The following CELF4 variants were observed in gnomAD, a reference collection of about 807,000 sequenced individuals.
The protein encoded by CELF4 is CUGBP Elav-like family member 4.
CELF4 carries 18 observed loss-of-function variants against 59.9 expected under a neutral mutation model. The observed-to-expected ratio is 0.30, with a 90% CI of 0.21 to 0.45. The LOEUF (loss-of-function observed/expected upper bound fraction) is 0.45. CELF4 is among the 20% of genes least tolerant of loss of function. The pLI is 1.00. For synonymous variants in CELF4, 261 were observed against 267.1 expected (o/e 0.98, Z 0.22); for missense variants, 456 against 689.0 (o/e 0.66, Z 3.79).
At chr18:37,423,674 C>T (rs886164678) in intron 2 of CELF4, among the ~76,000 whole-genome samples, 17 of 152,068 alleles carry the variant, frequency 1.1e-4, no homozygotes, top group African/African-American at 4.1e-4. Flanking sequence ...ACAGCCATGG[C>T]CTTGGTCTCC....
intron 2 of CELF4, among the ~76,000 whole-genome samples, chr18:37,385,354 C>CAA (rs34504926): frequency 0.36 from 35,740 of 100,000 alleles, 6,301 homozygotes; most frequent in Non-Finnish European, 0.42. Context: ...GACTCCATCT[C>CAA]AAAAAAAAAA....
chr18:37,452,873 G>A (rs2099767905), intron 2 of CELF4, among the ~76,000 whole-genome samples: 1 of 152,124 alleles, frequency 6.6e-6, no homozygotes, highest in African/African-American at 2.4e-5. Flanking sequence ...CCTGAGCCAA[G>A]TACCCACTGC....
In CELF4 at chr18:37,390,840, G is replaced by A. The variant is rs957081829; in HGVS notation, c.370-68959C>T. Among the ~76,000 whole-genome samples, 2 of 150,872 alleles carry A rather than the reference G, an allele frequency of 1.3e-5. 1 individual carries two copies. The highest frequency in any genetic ancestry group is 4.2e-4 in the South Asian group (2 of 4,740). On this transcript the variant is annotated intron_variant, in intron 2 of 12. Coordinates refer to ENST00000420428, the MANE Select transcript of CELF4 (RefSeq NM_020180.4). Reference sequence around the variant, plus strand: ...CAGTGCTGCTGGCCGGCACAGCAGTGGCAGCACTGCTATTAGTCATCGTGA... The same window carrying A: ...CAGTGCTGCTGGCCGGCACAGCAGTAGCAGCACTGCTATTAGTCATCGTGA...
intron 1 of CELF4, among the ~76,000 whole-genome samples, chr18:37,490,179 C>T (rs1054235527): frequency 3.9e-5 from 6 of 152,058 alleles, no homozygotes; most frequent in African/African-American, 1.4e-4. Context: ...ACAATGGAGA[C>T]ACAATCAACT....
chr18:37,327,709 C>T (rs374503168), intron 2 of CELF4, among the ~76,000 whole-genome samples: 16 of 152,300 alleles, frequency 1.1e-4, no homozygotes, highest in African/African-American at 3.8e-4. Context: ...TCCTGCCTCA[C>T]TCTCCCTCGG....
intron 2 of CELF4, among the ~76,000 whole-genome samples, chr18:37,360,197 C>A (rs1468316268): frequency 2.0e-5 from 3 of 152,168 alleles, no homozygotes; most frequent in African/African-American, 4.8e-5. Context: ...GGTTGCTCAG[C>A]TTTGCCTGCT....
At chr18:37,476,066 G>A (rs140767751) in intron 2 of CELF4, among the ~76,000 whole-genome samples, 10 of 152,320 alleles carry the variant, frequency 6.6e-5, no homozygotes, top group Non-Finnish European at 1.5e-4. Flanking sequence ...AAAGGACTCC[G>A]AAGGTCATCC....
At chr18:37,489,874 G>A (rs1285344153) in intron 1 of CELF4, among the ~76,000 whole-genome samples, 4 of 152,148 alleles carry the variant, frequency 2.6e-5, no homozygotes, top group Non-Finnish European at 5.9e-5. Flanking sequence ...GTGGCCAGTG[G>A]CACAGAAATC....
At chr18:37,292,766 C>T (rs994494601) in intron 3 of CELF4, among the ~76,000 whole-genome samples, 3 of 152,192 alleles carry the variant, frequency 2.0e-5, no homozygotes, top group African/African-American at 7.2e-5. Context: ...AATTTCATCT[C>T]CCGCTGCAAG....
At chr18:37,427,203 A>G (rs2099619949) in intron 2 of CELF4, among the ~76,000 whole-genome samples, 1 of 152,100 alleles carries the variant, frequency 6.6e-6, no homozygotes, top group Non-Finnish European at 1.5e-5. Context: ...GATGTGCAGG[A>G]TTGCTGGCCT....
At position 37,414,154 on chromosome 18, in the gene CELF4, T is replaced by C. The variant is rs536908313; in HGVS notation, c.369+71371A>G. On this transcript the variant is annotated intron_variant, in intron 2 of 12. Coordinates refer to ENST00000420428, the MANE Select transcript of CELF4 (RefSeq NM_020180.4). ...ACTTGCTCATTGACTGAAAACAGTA[T>C]AATGCCAGTTTCAAGTTTCTTATTT... Among the ~76,000 whole-genome samples, 492 of 152,312 alleles carry C rather than the reference T, an allele frequency of 3.2e-3. 4 individuals are homozygous for C. Among genetic ancestry groups the C allele is most frequent in the African/African-American group, 0.011 (465 of 41,566 alleles).
intron 2 of CELF4, among the ~76,000 whole-genome samples, chr18:37,467,270 G>A (rs2099811363): frequency 6.6e-6 from 1 of 152,182 alleles, no homozygotes; most frequent in Admixed American, 6.5e-5. Flanking sequence ...TTACAGGACA[G>A]GTAACTTGTT....
At chr18:37,562,984 A>G (rs2099987009) in intron 1 of CELF4, among the ~76,000 whole-genome samples, 1 of 152,118 alleles carries the variant, frequency 6.6e-6, no homozygotes, top group South Asian at 2.1e-4. Flanking sequence ...TGACTGAGAC[A>G]GTTTAGGGGA....
intron 2 of CELF4, among the ~76,000 whole-genome samples, chr18:37,405,130 C>T (rs185823786): frequency 6.6e-6 from 1 of 152,326 alleles, no homozygotes; most frequent in African/African-American, 2.4e-5. Flanking sequence ...CCTGGTTCCT[C>T]CAGCTATTCC....
At chr18:37,348,800 C>T (rs550374826) in intron 2 of CELF4, among the ~76,000 whole-genome samples, 1 of 152,340 alleles carries the variant, frequency 6.6e-6, no homozygotes. Context: ...TTATCACACA[C>T]TCCCCAAGGC....
At chr18:37,487,453 A>G (rs1254255902) in intron 1 of CELF4, among the ~76,000 whole-genome samples, 1 of 151,924 alleles carries the variant, frequency 6.6e-6, no homozygotes, top group African/African-American at 2.4e-5. Flanking sequence ...TCTCTGTCTC[A>G]TGTCTCCCTT....
At chr18:37,268,821 G>A (rs1432932436) in intron 8 of CELF4, among the ~76,000 whole-genome samples, 1 of 152,076 alleles carries the variant, frequency 6.6e-6, no homozygotes, top group Non-Finnish European at 1.5e-5. Context: ...CATTACAGCG[G>A]GTCCAAACTC....
chr18:37,516,485 G>C (rs1438384748), intron 1 of CELF4, among the ~76,000 whole-genome samples: 3 of 152,210 alleles, frequency 2.0e-5, no homozygotes, highest in Non-Finnish European at 1.5e-5. Context: ...CCCGGCCACA[G>C]ACTGACCGTT....
chr18:37,386,426 G>A (rs2099100307), intron 2 of CELF4, among the ~76,000 whole-genome samples: 1 of 152,200 alleles, frequency 6.6e-6, no homozygotes, highest in African/African-American at 2.4e-5. Context: ...CGGGAAGGCA[G>A]TGCTGTGTGG....
Sources: allele counts gnomAD v4.1 joint callset (sites outside exome capture counted in the v4.1 genomes callset), GRCh38; gene constraint gnomAD v4.1.1; transcripts MANE v1.5; gene names NCBI Gene and HGNC (gene_info 2026-07-23, HGNC 2026-07-21).